Variants in AP3B1 observed in about 807,000 individuals in gnomAD.
The protein encoded by AP3B1 is adaptor related protein complex 3 subunit beta 1.
A neutral mutation model predicts 132.5 loss-of-function variants in AP3B1; 61 were observed. The ratio of observed to expected loss-of-function variants is 0.46; its 90% CI spans 0.37 to 0.57. The LOEUF (loss-of-function observed/expected upper bound fraction) is 0.57. Among genes scored for constraint, AP3B1 ranks in the 20% least tolerant of loss-of-function variants. The pLI, the probability that AP3B1 is intolerant of heterozygous loss-of-function variation, is 0.00. For synonymous variants in AP3B1, 388 were observed against 438.3 expected, an observed-to-expected ratio of 0.89 and a Z score of 1.43; for missense variants, 1,120 against 1,289.4, an observed-to-expected ratio of 0.87 and a Z score of 2.01.
chr5:78,108,236 A>T (rs1205581184), intron 20 of AP3B1, among the ~76,000 whole-genome samples: 1 of 152,230 alleles, frequency 6.6e-6, no homozygotes, highest in Non-Finnish European at 1.5e-5. Context: ...ACATATTGTC[A>T]TGCTAAATTA....
At chr5:78,138,203 C>T (rs1235206804) in intron 15 of AP3B1, among the ~76,000 whole-genome samples, 1 of 152,188 alleles carries the variant, frequency 6.6e-6, no homozygotes, top group Non-Finnish European at 1.5e-5. Context: ...CAGTGGCTCA[C>T]GCCTGTAATC....
chr5:78,181,322 A>T (rs1744358695), intron 8 of AP3B1, among the ~76,000 whole-genome samples, 185 bp downstream of exon 8: 1 of 152,144 alleles, frequency 6.6e-6, no homozygotes, highest in Admixed American at 6.5e-5. Flanking sequence ...CTTCTCAGAC[A>T]TTAGGTCTCT....
chr5:78,269,916 G>C (rs1748479948), intron 1 of AP3B1, among the ~76,000 whole-genome samples: 1 of 151,764 alleles, frequency 6.6e-6, no homozygotes, highest in Non-Finnish European at 1.5e-5. Context: ...GTTTTTGTTT[G>C]TTTGTTCTTT....
At chr5:78,099,169 C>T (rs1005992795) in intron 21 of AP3B1, among the ~76,000 whole-genome samples, 1 of 152,186 alleles carries the variant, frequency 6.6e-6, no homozygotes, top group Non-Finnish European at 1.5e-5. Context: ...TCATCAAATA[C>T]GCTGGCACCT....
intron 13 of AP3B1, among the ~76,000 whole-genome samples, chr5:78,157,759 T>TC (rs1743211397): frequency 9.9e-6 from 1 of 101,152 alleles, no homozygotes; most frequent in African/African-American, 3.1e-5. Context: ...CCTATTACTC[T>TC]TTTTTTTTGA....
At chr5:78,163,094 G>T in intron 12 of AP3B1, 143 bp from the exon 13 acceptor site, 2 of 781,020 alleles carry the variant, frequency 2.6e-6, no homozygotes, top group Non-Finnish European at 4.2e-6. Flanking sequence ...AAGTGATGAT[G>T]TAGATTAATT....
intron 2 of AP3B1, among the ~76,000 whole-genome samples, chr5:78,263,859 A>T (rs1167167022): frequency 1.3e-5 from 2 of 152,230 alleles, no homozygotes; most frequent in African/African-American, 4.8e-5. Context: ...AGGAGGGACC[A>T]CATATATAAT....
rs1445812361 is a variant in AP3B1, at chr5:78,181,672, A to G, written c.787-10T>C. 1.2e-6 allele frequency: 2 copies of G among 1,610,064 alleles called. No individual in the cohort carries two copies. The highest frequency in any genetic ancestry group is 1.7e-6 in the Non-Finnish European group (2 of 1,179,018). ...CTTCTAATTCATCACCCTACAATGAAAGAAATCCAACCCAAGATTACTTTA... is the reference window on the plus strand; with the variant it reads ...CTTCTAATTCATCACCCTACAATGAGAGAAATCCAACCCAAGATTACTTTA... On this transcript the variant is annotated splice_polypyrimidine_tract_variant and intron_variant, in intron 7 of 26. Transcript: ENST00000255194.
chr5:78,226,360 AT>A (rs1746401342), intron 5 of AP3B1, among the ~76,000 whole-genome samples: 1 of 152,060 alleles, frequency 6.6e-6, no homozygotes, highest in African/African-American at 2.4e-5. Flanking sequence ...AAACATTATA[AT>A]TATCTGGACA....
At chr5:78,003,224 A>C in intron 26 of AP3B1, 169 bp from the exon 27 acceptor site, 1 of 803,120 alleles carries the variant, frequency 1.2e-6, no homozygotes, top group Non-Finnish European at 1.9e-6. Flanking sequence ...AAATCAATAA[A>C]CTGTCCAGCC....
intron 13 of AP3B1, among the ~76,000 whole-genome samples, chr5:78,160,251 C>T (rs1270846672): frequency 6.6e-6 from 1 of 152,136 alleles, no homozygotes; most frequent in Non-Finnish European, 1.5e-5. Flanking sequence ...TCAATAAATG[C>T]TTACTGAATT....
chr5:78,185,947 G>A (rs1744589507), intron 7 of AP3B1, among the ~76,000 whole-genome samples: 1 of 151,966 alleles, frequency 6.6e-6, no homozygotes, highest in Non-Finnish European at 1.5e-5. Context: ...AGCAAAGATG[G>A]AATTCTAAAA....
chr5:78,239,151 T>C (rs1226485730), intron 3 of AP3B1, among the ~76,000 whole-genome samples: 1 of 151,418 alleles, frequency 6.6e-6, no homozygotes, highest in Non-Finnish European at 1.5e-5. Context: ...AAGCAAAAAA[T>C]ACTAAATTAA....
chr5:78,278,744 C>T (rs949736689), intron 1 of AP3B1, among the ~76,000 whole-genome samples: 4 of 151,754 alleles, frequency 2.6e-5, no homozygotes, highest in African/African-American at 9.7e-5. Context: ...CAGGATGCCA[C>T]ACAGCAGGCA....
At position 78,110,684 on chromosome 5, in the gene AP3B1, C is replaced by CTGTGTGTG. The variant is rs144921350; in HGVS notation, c.2250-338_2250-331dup. Reference sequence around the variant, plus strand: ...AAAACGCTATCTCAAAATACTGTGCCTGTGTGTGTGTGTGTGTGTGTGTGT... The same window carrying CTGTGTGTG: ...AAAACGCTATCTCAAAATACTGTGCCTGTGTGTGTGTGTGTGTGTGTGTGTGTGTGTGT... On this transcript the variant is annotated intron_variant, in intron 19 of 26. Transcript: ENST00000255194. Among the ~76,000 whole-genome samples, 640 of 143,550 alleles carry CTGTGTGTG rather than the reference C, an allele frequency of 4.5e-3. 7 individuals carry two copies. Among genetic ancestry groups the CTGTGTGTG allele is most frequent in the African/African-American group, 0.013 (499 of 38,894 alleles). The allele number at this position is 143,550 out of a possible 152,430, so 94.2% of individuals were successfully genotyped here.
In AP3B1 at chr5:78,249,130, G is replaced by A. The variant is rs541717135; in HGVS notation, c.205-8194C>T. On this transcript the variant is annotated intron_variant, in intron 2 of 26. Transcript: ENST00000255194. Reference sequence around the variant, plus strand: ...AGCACTTTGGGAGGCTGAGGAGGGCGGATCACCTGAGATCAGGAGTTCGAG... The same window carrying A: ...AGCACTTTGGGAGGCTGAGGAGGGCAGATCACCTGAGATCAGGAGTTCGAG... 7.2e-4 allele frequency among the ~76,000 whole-genome samples: 110 copies of A among 152,104 alleles called. No homozygotes were observed. The South Asian group carries it at 9.5e-3, about 13-fold the overall frequency.
intron 5 of AP3B1, 83 bp downstream of exon 5, chr5:78,227,289 G>C: frequency 7.3e-7 from 1 of 1,364,438 alleles, no homozygotes; most frequent in Non-Finnish European, 1.0e-6. Flanking sequence ...CTACCTAAAA[G>C]AGCGAATAAA....
rs920273916 is a variant in AP3B1 at position 78,278,423 on chromosome 5, C to A, written c.129-10828G>T. On this transcript the variant is annotated intron_variant, in intron 1 of 26. Transcript: ENST00000255194. ...GACCATCCCGGCTAAAACGGTGAAA[C>A]CCCGTCTCTACTAAAAATACAAAAA... Among the ~76,000 whole-genome samples, 5 of 135,826 alleles carry A rather than the reference C, an allele frequency of 3.7e-5. 2 individuals carry two copies. The highest frequency in any genetic ancestry group is 2.2e-4 in the Admixed American group (3 of 13,880). 89.1% of individuals were successfully genotyped at this position (135,826 alleles called of 152,430 possible). A position where few individuals can be genotyped will look rare whatever the true frequency, so the allele number is the denominator to read the frequency against.
At chr5:78,166,042 C>T (rs1326091196) in intron 11 of AP3B1, among the ~76,000 whole-genome samples, 1 of 151,626 alleles carries the variant, frequency 6.6e-6, no homozygotes. Context: ...ATTGCTGGAA[C>T]CCAGGAGGCA....
Sources: allele counts gnomAD v4.1 joint callset (sites outside exome capture counted in the v4.1 genomes callset), GRCh38; gene constraint gnomAD v4.1.1; transcripts MANE v1.5; gene names NCBI Gene and HGNC (gene_info 2026-07-23, HGNC 2026-07-21).